ELMO1: variants seen among roughly 807,000 people sequenced by gnomAD.
ELMO1 encodes engulfment and cell motility 1.
Under a neutral mutation model 98.9 loss-of-function variants are expected in ELMO1, and 26 were observed. The observed-to-expected ratio is 0.26, with a 90% CI of 0.19 to 0.36. The LOEUF is 0.36. ELMO1 is among the 10% of genes least tolerant of loss of function. The pLI is 1.00. For missense variants in ELMO1, 627 were observed against 935.2 expected (o/e 0.67, Z 4.30); for synonymous variants, 346 against 346.0 (o/e 1.00, Z 0.00).
At chr7:37,063,534 C>T (rs1478804805) in intron 15 of ELMO1, among the ~76,000 whole-genome samples, 1 of 152,126 alleles carries the variant, frequency 6.6e-6, no homozygotes, top group East Asian at 1.9e-4. Context: ...ATAAACATTA[C>T]CTATAGTATC....
At chr7:37,430,649 G>A (rs533346747) in intron 1 of ELMO1, among the ~76,000 whole-genome samples, 20 of 152,318 alleles carry the variant, frequency 1.3e-4, no homozygotes, top group Non-Finnish European at 2.4e-4. Flanking sequence ...TTCAACCCGC[G>A]ATGGCCTCTG....
At chr7:37,133,515 A>G (rs1787063591) in intron 13 of ELMO1, among the ~76,000 whole-genome samples, 1 of 152,176 alleles carries the variant, frequency 6.6e-6, no homozygotes, top group Non-Finnish European at 1.5e-5. Flanking sequence ...CATTGTGAGA[A>G]AAAGAAAATG....
intron 16 of ELMO1, among the ~76,000 whole-genome samples, chr7:36,987,585 G>C (rs1464300183): frequency 6.6e-6 from 1 of 152,180 alleles, no homozygotes; most frequent in Non-Finnish European, 1.5e-5. Flanking sequence ...TAATGACCCA[G>C]ATGAGGCTTC....
rs542016312 is a variant in ELMO1 at position 36,916,026 on chromosome 7, G to A, written c.1438-21009C>T. The stretch of plus-strand genomic sequence containing the variant: ...CAGGGAGGAAATCTAAGCTTTTCCC[G>A]TTAGTTTTATAAAGTTCAGTTTTGT... On this transcript the variant is annotated intron_variant, in intron 16 of 21. Coordinates refer to ENST00000310758, the MANE Select transcript of ELMO1 (RefSeq NM_014800.11). 9.9e-5 allele frequency among the ~76,000 whole-genome samples: 15 copies of A among 152,238 alleles called. No homozygotes were observed. In the South Asian group the frequency reaches 1.0e-3, roughly 11 times the overall value.
At chr7:37,060,307 C>A (rs12534639) in intron 15 of ELMO1, among the ~76,000 whole-genome samples, 17,032 of 152,146 alleles carry the variant, frequency 0.11, 1,093 homozygotes, top group Middle Eastern at 0.2. Context: ...AACATATACA[C>A]CATGGAATAC....
At chr7:37,059,633 C>T (rs1168213309) in intron 15 of ELMO1, among the ~76,000 whole-genome samples, 1 of 152,104 alleles carries the variant, frequency 6.6e-6, no homozygotes, top group East Asian at 1.9e-4. Flanking sequence ...TTAATGGCCA[C>T]TTAAGGAAAT....
At chr7:37,138,199 A>G (rs995418746) in intron 13 of ELMO1, among the ~76,000 whole-genome samples, 1 of 152,122 alleles carries the variant, frequency 6.6e-6, no homozygotes, top group African/African-American at 2.4e-5. Context: ...GAAAAGAAAT[A>G]ATGAAGATCA....
At chr7:37,235,899 G>A (rs577953582) in intron 7 of ELMO1, among the ~76,000 whole-genome samples, 4 of 152,308 alleles carry the variant, frequency 2.6e-5, no homozygotes, top group South Asian at 2.1e-4. Context: ...CAGCCTGGGC[G>A]ACAGAGTGAC....
chr7:37,215,711 A>G (rs1793239248), intron 11 of ELMO1, among the ~76,000 whole-genome samples: 1 of 152,248 alleles, frequency 6.6e-6, no homozygotes, highest in South Asian at 2.1e-4. Context: ...AACCACAGTA[A>G]GGGCTCTCGC....
chr7:37,104,751 A>G (rs1784847113), intron 14 of ELMO1, among the ~76,000 whole-genome samples: 2 of 152,222 alleles, frequency 1.3e-5, no homozygotes, highest in African/African-American at 4.8e-5. Context: ...ACCAGGGAAA[A>G]GGACAAAAAA....
intron 2 of ELMO1, among the ~76,000 whole-genome samples, chr7:37,321,886 C>T (rs1799532542): frequency 7.4e-6 from 1 of 135,466 alleles, no homozygotes; most frequent in Non-Finnish European, 1.5e-5. Flanking sequence ...TAAACGGAGT[C>T]TCCCGTTGTC....
intron 1 of ELMO1, among the ~76,000 whole-genome samples, chr7:37,394,652 A>G (rs1326770807): frequency 3.9e-5 from 6 of 152,178 alleles, no homozygotes; most frequent in Non-Finnish European, 7.3e-5. Context: ...AACAGTGTGG[A>G]GGAAACAGAG....
intron 15 of ELMO1, among the ~76,000 whole-genome samples, chr7:37,051,593 GTCTC>G (rs1796113509): frequency 7.5e-6 from 1 of 133,576 alleles, no homozygotes; most frequent in African/African-American, 2.9e-5. Flanking sequence ...TTTTTTTTTT[GTCTC>G]TCTTTCTACC....
chr7:37,217,157 C>A (rs551779694), intron 10 of ELMO1, among the ~76,000 whole-genome samples: 8 of 152,264 alleles, frequency 5.3e-5, no homozygotes, highest in Admixed American at 5.2e-4. Context: ...AATACATATA[C>A]CAGGCTACAT....
intron 13 of ELMO1, among the ~76,000 whole-genome samples, chr7:37,144,773 A>C (rs1787875849): frequency 6.6e-6 from 1 of 152,134 alleles, no homozygotes; most frequent in South Asian, 2.1e-4. Flanking sequence ...ATTATGAGTT[A>C]TTTTGTAGTG....
intron 13 of ELMO1, among the ~76,000 whole-genome samples, chr7:37,152,952 G>C (rs537775937): frequency 3.9e-5 from 6 of 152,246 alleles, no homozygotes; most frequent in African/African-American, 1.4e-4. Flanking sequence ...TCTCCAAGGG[G>C]TATCTGCCGG....
intron 1 of ELMO1, among the ~76,000 whole-genome samples, chr7:37,393,125 T>C (rs1312455844): frequency 6.6e-6 from 1 of 152,254 alleles, no homozygotes; most frequent in African/African-American, 2.4e-5. Flanking sequence ...AGCTTGTTCA[T>C]TAATTTTTAT....
chr7:37,000,576 T>C (rs558344601), intron 16 of ELMO1, among the ~76,000 whole-genome samples: 1 of 152,142 alleles, frequency 6.6e-6, no homozygotes, highest in Non-Finnish European at 1.5e-5. Flanking sequence ...AAAGGTAAAA[T>C]ACAAAAGATA....
chr7:36,899,682 A>ATTTTTTTTT (rs1178774148), intron 16 of ELMO1, among the ~76,000 whole-genome samples: 1 of 5,392 alleles, frequency 1.9e-4, no homozygotes, highest in Non-Finnish European at 4.1e-4. Flanking sequence ...ATCTTTACTC[A>ATTTTTTTTT]TCTTTTTTTT....
Sources: allele counts gnomAD v4.1 joint callset (sites outside exome capture counted in the v4.1 genomes callset), GRCh38; gene constraint gnomAD v4.1.1; transcripts MANE v1.5; gene names NCBI Gene and HGNC (gene_info 2026-07-23, HGNC 2026-07-21).